Variants in PHC1 observed in about 807,000 individuals in gnomAD.
PHC1 encodes the protein polyhomeotic-like protein 1.
Under a neutral mutation model 104.3 loss-of-function variants are expected in PHC1, and 12 were observed. The ratio of observed to expected loss-of-function variants is 0.12; its 90% CI spans 0.07 to 0.19. PHC1 has a LOEUF of 0.19. PHC1 is among the 10% of genes least tolerant of loss of function. The pLI is 1.00. For synonymous variants in PHC1, 302 were observed against 455.8 expected, an observed-to-expected ratio of 0.66 and a Z score of 4.30; for missense variants, 671 against 1,200.0, an observed-to-expected ratio of 0.56 and a Z score of 6.51.
chr12:8,923,559 T>C (rs962983776), intron 6 of PHC1, among the ~76,000 whole-genome samples: 12 of 152,148 alleles, frequency 7.9e-5, no homozygotes, highest in African/African-American at 2.7e-4. Flanking sequence ...CCGGGCGCGG[T>C]GGCTCACGCC....
rs770622299 is a variant in PHC1, at chr12:8,939,285, G to A, written c.2861-20G>A. The stretch of plus-strand genomic sequence containing the variant: ...TCCTATCATCTGGCATTACCTACAT[G>A]TTCTCACCATTTCTTCTAGGCTGCC... On this transcript the variant is annotated intron_variant, in intron 14 of 14. Coordinates refer to ENST00000544916, the MANE Select transcript of PHC1 (RefSeq NM_004426.3). 1.2e-6 allele frequency: 2 copies of A among 1,614,120 alleles called. No individual in the cohort carries two copies. Among genetic ancestry groups the A allele is most frequent in the Non-Finnish European group, 1.7e-6 (2 of 1,179,996 alleles).
At chr12:8,938,135 A>G in intron 14 of PHC1, 75 bp downstream of exon 14, 1 of 974,680 alleles carries the variant, frequency 1.0e-6, no homozygotes, top group Non-Finnish European at 1.6e-6. Flanking sequence ...ATAAGAGGGA[A>G]AGTAATTGAC....
chr12:8,920,328 GA>G (rs1945325611), intron 3 of PHC1, among the ~76,000 whole-genome samples: 1 of 152,176 alleles, frequency 6.6e-6, no homozygotes, highest in African/African-American at 2.4e-5. Context: ...TTGCATAGTA[GA>G]AAATTATAAA....
At position 8,937,188 on chromosome 12, in the gene PHC1, C is replaced by T. The variant is rs1397360793; in HGVS notation, c.2490C>T (p.Ser830=). Residue 830 remains serine (S), a synonymous_variant, in exon 13 of 15, where the codon AGC becomes AGT. Coordinates refer to ENST00000544916, the MANE Select transcript of PHC1 (RefSeq NM_004426.3). ...SMTCAKRYNV[S]CSHQFRLKRK... is the part of the protein sequence containing the mutation. ...CCCTGTCCTGTAGGTACAATGTGAGCTGTAGCCATCAGTTCCGGCTGAAGA... is the reference window on the plus strand; with the variant it reads ...CCCTGTCCTGTAGGTACAATGTGAGTTGTAGCCATCAGTTCCGGCTGAAGA... 1.2e-6 allele frequency: 2 copies of T among 1,611,454 alleles called. No homozygotes were observed. Among genetic ancestry groups the T allele is most frequent in the African/African-American group, 2.7e-5 (2 of 74,986 alleles).
chr12:8,922,400 C>A (rs1221600567), intron 5 of PHC1, among the ~76,000 whole-genome samples: 1 of 152,142 alleles, frequency 6.6e-6, no homozygotes, highest in Non-Finnish European at 1.5e-5. Context: ...TTCTCTATTT[C>A]TTTGACGTGT....
Position 8,917,635 on chromosome 12 carries a change from G to A in PHC1, c.-43G>A. On this transcript the variant is annotated 5_prime_UTR_variant, in exon 2 of 15. The change abolishes the stop of an existing upstream ORF in the 5' untranslated region. Transcript: ENST00000544916. The stretch of plus-strand genomic sequence containing the variant: ...CTTTTACTGCTTCCCTCTAGGTCTT[G>A]AGTCAGACAGAGCACCAGCCTTGGG... 1.1e-6 allele frequency: 1 copy of A among 947,752 alleles called. No individual in the cohort carries two copies. Among genetic ancestry groups the A allele is most frequent in the South Asian group, 1.8e-5 (1 of 55,332 alleles). 58.7% of individuals were successfully genotyped at this position (947,752 alleles called of 1,614,324 possible).
At chr12:8,914,359 C>G (rs1470587425), upstream of PHC1, among the ~76,000 whole-genome samples, 4 of 151,428 alleles carry the variant, frequency 2.6e-5, no homozygotes, top group African/African-American at 9.7e-5. Flanking sequence ...AGCGCAGAGG[C>G]CCGGGAGCTG....
intron 14 of PHC1, among the ~76,000 whole-genome samples, chr12:8,938,469 A>G (rs1945907596): frequency 6.7e-6 from 1 of 149,234 alleles, no homozygotes; most frequent in Middle Eastern, 3.2e-3. Context: ...TTAAACAGAG[A>G]CAGGGATTCC....
Position 8,930,696 on chromosome 12 carries a change from G to A in PHC1, c.874G>A (p.Gly292Ser), listed in dbSNP as rs1342230060. ...GGGGQAHGGL[G>S]QLPSSGMGGG... is the part of the protein sequence containing the mutation. ...AGGTGGGCAGGCACATGGTGGTTTGGGTCAGTTGCCTTCCTCAGGAATGGG... is the reference window on the plus strand; with the variant it reads ...AGGTGGGCAGGCACATGGTGGTTTGAGTCAGTTGCCTTCCTCAGGAATGGG... The change falls in exon 7 of 15, where the codon GGT becomes AGT. Residue 292 changes from glycine to serine, a missense_variant. Gly to Ser is a moderately conservative substitution (Grantham distance 56). This residue lies in a region of PHC1 where 78 missense variants were observed against 140.8 expected (regional missense o/e 0.55). Transcript: ENST00000544916. 3 of 1,320,004 alleles carry A rather than the reference G, an allele frequency of 2.3e-6. No homozygotes were observed. The highest frequency in any genetic ancestry group is 1.4e-5 in the African/African-American group (1 of 70,204). 81.8% of individuals were successfully genotyped at this position (1,320,004 alleles called of 1,614,324 possible). A position where few individuals can be genotyped will look rare whatever the true frequency, so the allele number is the denominator to read the frequency against.
In PHC1 at chr12:8,939,684, A is replaced by T. The variant is rs1321634061; in HGVS notation, c.*225A>T. ...TTCTACTTTATTTTTTAAAATCTTT[A>T]CAGTTCTCACCATTTCACGTACCTT... is the stretch of plus-strand genomic sequence containing the variant. On this transcript the variant is annotated 3_prime_UTR_variant, in exon 15 of 15. Transcript: ENST00000544916. 2.2e-6 allele frequency: 1 copy of T among 455,544 alleles called. No homozygotes were observed. Among genetic ancestry groups the T allele is most frequent in the Non-Finnish European group, 4.1e-6 (1 of 245,974 alleles). 28.2% of individuals were successfully genotyped at this position (455,544 alleles called of 1,614,324 possible). A position where few individuals can be genotyped will look rare whatever the true frequency, so the allele number is the denominator to read the frequency against.
chr12:8,914,367 C>T (rs1373252087), upstream of PHC1, among the ~76,000 whole-genome samples: 1 of 150,114 alleles, frequency 6.7e-6, no homozygotes, highest in South Asian at 2.1e-4. Flanking sequence ...GGCCCGGGAG[C>T]TGCGTCGCCA....
Position 8,930,897 on chromosome 12 carries a change from C to A in PHC1, c.1075C>A (p.Pro359Thr). 1.2e-6 allele frequency: 2 copies of A among 1,600,322 alleles called. No individual in the cohort carries two copies. The highest frequency in any genetic ancestry group is 2.3e-5 in the South Asian group (2 of 88,704). ...CATGAACCTGACACGGACAGCCACACCTGCGCCCAGCCAGACACTTATTAG... is the reference window on the plus strand; with the variant it reads ...CATGAACCTGACACGGACAGCCACAACTGCGCCCAGCCAGACACTTATTAG... ...VGMNLTRTAT[P>T]APSQTLISSA... Residue 359 changes from proline to threonine, a missense_variant, in exon 7 of 15, where the codon CCT (proline) becomes ACT (threonine). Around this residue, in one of 9 missense-constraint regions of PHC1, gnomAD observed 78 missense variants for 140.8 expected, o/e 0.55. Coordinates refer to ENST00000544916, the MANE Select transcript of PHC1 (RefSeq NM_004426.3).
chr12:8,933,368 GT>G lies in PHC1; in HGVS notation c.1893+22del, dbSNP rs1565521722. On this transcript the variant is annotated intron_variant, in intron 8 of 14. Coordinates refer to ENST00000544916, the MANE Select transcript of PHC1 (RefSeq NM_004426.3). ...ACTTGCCGGTGAGTGATGTCTGATGGTTTTGAGGGCACTATTATGCATGAGA... is the reference window on the plus strand; with the variant it reads ...ACTTGCCGGTGAGTGATGTCTGATGGTTTGAGGGCACTATTATGCATGAGA... 6.5e-7 allele frequency: 1 copy of G among 1,542,272 alleles called. No individual in the cohort carries two copies. Among genetic ancestry groups the G allele is most frequent in the Non-Finnish European group, 8.8e-7 (1 of 1,137,096 alleles).
At position 8,934,427 on chromosome 12, in the gene PHC1, C is replaced by T. The variant is rs1945777680; in HGVS notation, c.2202C>T (p.Leu734=). The change falls in exon 10 of 15, where the codon CTC becomes CTT. Residue 734 remains leucine, a synonymous_variant. Coordinates refer to ENST00000544916, the MANE Select transcript of PHC1 (RefSeq NM_004426.3). ...PPQAIVKPQI[L]THIIEGFVIQ... ...AGGCCATCGTGAAGCCCCAGATTCT[C>T]ACCCACATCATTGAAGGCTTTGTTA... 2 of 1,613,986 alleles carry T rather than the reference C, an allele frequency of 1.2e-6. No homozygotes were observed. The highest frequency in any genetic ancestry group is 1.7e-6 in the Non-Finnish European group (2 of 1,179,846).
Position 8,933,051 on chromosome 12 carries a change from A to G in PHC1, c.1594A>G (p.Thr532Ala). The change falls in exon 8 of 15, where the codon ACT becomes GCT. Residue 532 changes from threonine to alanine, a missense_variant. Around this residue, in one of 9 missense-constraint regions of PHC1, gnomAD observed 26 missense variants for 130.8 expected, o/e 0.20. Transcript: ENST00000544916. ...PPHIPVQVVGTRQPGTAQAQA... is the reference protein window; with the variant it reads ...PPHIPVQVVGARQPGTAQAQA... ...CCATATCCCTGTGCAAGTTGTAGGCACTCGACAGCCAGGTACAGCCCAGGC... is the reference window on the plus strand; with the variant it reads ...CCATATCCCTGTGCAAGTTGTAGGCGCTCGACAGCCAGGTACAGCCCAGGC... 1.5e-6 allele frequency: 1 copy of G among 678,770 alleles called. No individual in the cohort carries two copies. Among genetic ancestry groups the G allele is most frequent in the Non-Finnish European group, 2.4e-6 (1 of 409,208 alleles). The allele number at this position is 678,770 out of a possible 1,614,324, so 42.0% of individuals were successfully genotyped here. A position where few individuals can be genotyped will look rare whatever the true frequency, so the allele number is the denominator to read the frequency against.
Position 8,933,942 on chromosome 12 carries a change from A to G in PHC1, c.1971A>G (p.Ser657=), listed in dbSNP as rs748355913. The G allele has an allele frequency of 6.2e-7, 1 of 1,613,316 alleles. No individual in the cohort carries two copies. The highest frequency in any genetic ancestry group is 1.7e-5 in the Admixed American group (1 of 60,010). ...GAGATGATGTCTCCACATTGGGTTC[A>G]ATGCTTCCTGCCAAGGCATCTCCAG... is the stretch of plus-strand genomic sequence containing the variant. The part of the protein sequence containing the change: ...EERDDVSTLG[S]MLPAKASPVA... The change falls in exon 9 of 15, where the codon TCA becomes TCG. Residue 657 remains serine (S), a synonymous_variant. Coordinates refer to ENST00000544916, the MANE Select transcript of PHC1 (RefSeq NM_004426.3).
chr12:8,937,597 G>C (rs1313310183), intron 13 of PHC1, among the ~76,000 whole-genome samples: 1 of 152,076 alleles, frequency 6.6e-6, no homozygotes, highest in Admixed American at 6.6e-5. Flanking sequence ...AATTGTACTT[G>C]AGAGAAAATC....
intron 6 of PHC1, among the ~76,000 whole-genome samples, chr12:8,926,767 T>G (rs1459379076): frequency 6.7e-6 from 1 of 149,410 alleles, no homozygotes; most frequent in East Asian, 2.0e-4. Flanking sequence ...TAACAAACAT[T>G]AGCTGGGCGT....
At chr12:8,916,224 G>GC (rs1945196807) in intron 1 of PHC1, among the ~76,000 whole-genome samples, 1 of 152,040 alleles carries the variant, frequency 6.6e-6, no homozygotes, top group Non-Finnish European at 1.5e-5. Flanking sequence ...AGACTGGGGG[G>GC]GGATAATAGT....
Sources: gnomAD v4.1 joint callset for allele counts (sites outside exome capture counted in the v4.1 genomes callset) on GRCh38, gnomAD v4.1.1 for gene constraint, gnomAD v4.1.1 regional missense constraint, MANE v1.5 for transcripts, NCBI Gene and HGNC (gene_info 2026-07-23, HGNC 2026-07-21) for gene names.